RIN3: variants seen among roughly 807,000 people sequenced by gnomAD.
The protein encoded by RIN3 is RAB5 interacting protein 3.
Under a neutral mutation model 76.3 loss-of-function variants are expected in RIN3, and 54 were observed. The observed-to-expected ratio is 0.71, with a 90% CI of 0.57 to 0.89. RIN3 has a LOEUF of 0.89. RIN3 is among the 40% of genes least tolerant of loss of function. The pLI is 0.00. For missense variants in RIN3, 1,256 were observed against 1,322.1 expected (o/e 0.95, Z 0.78); for synonymous variants, 576 against 564.0 (o/e 1.02, Z -0.30).
At chr14:92,672,583 C>G (rs1023628005) in intron 7 of RIN3, among the ~76,000 whole-genome samples, 1 of 152,134 alleles carries the variant, frequency 6.6e-6, no homozygotes, top group African/African-American at 2.4e-5. Flanking sequence ...AGGGGAGACA[C>G]TTGCCTTAGG....
chr14:92,680,675 G>C (rs1888632247), intron 8 of RIN3, among the ~76,000 whole-genome samples: 1 of 152,246 alleles, frequency 6.6e-6, no homozygotes, highest in South Asian at 2.1e-4. Context: ...GGCAGGATGA[G>C]AGATGGAGCT....
intron 4 of RIN3, 121 bp from the exon 5 acceptor site, chr14:92,641,117 A>G (rs1277418128): frequency 1.8e-5 from 13 of 726,196 alleles, no homozygotes; most frequent in Non-Finnish European, 2.9e-5. Context: ...GCTCCAGGGA[A>G]GCTTCCAGGC....
chr14:92,583,768 A>G (rs1381424562), intron 3 of RIN3, among the ~76,000 whole-genome samples: 2 of 152,232 alleles, frequency 1.3e-5, no homozygotes, highest in Admixed American at 1.3e-4. Context: ...GCTGCATAGT[A>G]TTCCATGGTG....
At chr14:92,667,205 A>C (rs1044552227) in intron 7 of RIN3, among the ~76,000 whole-genome samples, 1 of 152,012 alleles carries the variant, frequency 6.6e-6, no homozygotes, top group Non-Finnish European at 1.5e-5. Flanking sequence ...GATTTTTTTA[A>C]ATCTGTGTTT....
intron 1 of RIN3, among the ~76,000 whole-genome samples, chr14:92,554,179 T>G (rs573824871): frequency 6.6e-6 from 1 of 152,262 alleles, no homozygotes; most frequent in East Asian, 1.9e-4. Flanking sequence ...TTAGGTAGAA[T>G]GCACACAGAC....
Position 92,652,659 on chromosome 14 carries a change from G to A in RIN3, c.1610G>A (p.Ser537Asn). The A allele has an allele frequency of 1.2e-6, 2 of 1,612,396 alleles. No individual in the cohort carries two copies. Among genetic ancestry groups the A allele is most frequent in the Non-Finnish European group, 1.7e-6 (2 of 1,179,988 alleles). ...FKGSLASLSDSLGVSVMATDQ... is the reference protein window; with the variant it reads ...FKGSLASLSDNLGVSVMATDQ... Reference sequence around the variant, plus strand: ...GGCTCCCTGGCCTCCCTCTCAGACAGCTTGGGGGTGTCTGTCATGGCCACC... The same window carrying A: ...GGCTCCCTGGCCTCCCTCTCAGACAACTTGGGGGTGTCTGTCATGGCCACC... The change falls in exon 6 of 10, where the codon AGC becomes AAC. Residue 537 changes from serine to asparagine, a missense_variant. This residue lies in a region of RIN3 where 428 missense variants were observed against 521.2 expected (regional missense o/e 0.82). Transcript: ENST00000216487. The surrounding 1 kb of genome is among the most constrained non-coding windows in gnomAD (Gnocchi z 6.4).
intron 3 of RIN3, among the ~76,000 whole-genome samples, chr14:92,601,000 T>A (rs1595446542): frequency 6.6e-6 from 1 of 152,214 alleles, no homozygotes; most frequent in African/African-American, 2.4e-5. Flanking sequence ...AGGGGCCACA[T>A]GTGGCTAGTG....
intron 3 of RIN3, among the ~76,000 whole-genome samples, chr14:92,586,975 C>T (rs1468008682): frequency 6.6e-6 from 1 of 151,970 alleles, no homozygotes; most frequent in Non-Finnish European, 1.5e-5. Context: ...GGCTCAGAGG[C>T]AGGAAAAAGA....
chr14:92,614,269 C>G (rs1885865452), intron 3 of RIN3, among the ~76,000 whole-genome samples: 2 of 152,202 alleles, frequency 1.3e-5, no homozygotes, highest in African/African-American at 4.8e-5. Context: ...ATCTGGGTGA[C>G]AGGCCAGTGG....
intron 4 of RIN3, among the ~76,000 whole-genome samples, chr14:92,630,353 G>A (rs1467702385): frequency 6.6e-6 from 1 of 152,174 alleles, no homozygotes; most frequent in Middle Eastern, 3.2e-3. Context: ...TTAGCCGGGT[G>A]TCGTGGCACA....
chr14:92,526,417 C>A (rs990955605), intron 1 of RIN3, among the ~76,000 whole-genome samples: 1 of 151,502 alleles, frequency 6.6e-6, no homozygotes, highest in African/African-American at 2.4e-5. Context: ...TGAGATCACA[C>A]CACTGCACTC....
intron 4 of RIN3, among the ~76,000 whole-genome samples, chr14:92,626,083 G>A (rs551711222): frequency 6.6e-6 from 1 of 152,174 alleles, no homozygotes; most frequent in Admixed American, 6.5e-5. Flanking sequence ...TCTTTTTCCT[G>A]TTGTATGTCA....
chr14:92,579,845 A>C (rs1390750090), intron 3 of RIN3, among the ~76,000 whole-genome samples: 1 of 152,250 alleles, frequency 6.6e-6, no homozygotes, highest in East Asian at 1.9e-4. Flanking sequence ...CTGCATTTGC[A>C]TTACTGCAAA....
In RIN3 at chr14:92,648,373, T is replaced by C. The variant is rs1033140273; in HGVS notation, c.533-3209T>C. Among the ~76,000 whole-genome samples, 2 of 152,226 alleles carry C rather than the reference T, an allele frequency of 1.3e-5. No individual in the cohort carries two copies. Among genetic ancestry groups the C allele is most frequent in the African/African-American group, 4.8e-5 (2 of 41,472 alleles). On this transcript the variant is annotated intron_variant, in intron 5 of 9. Transcript: ENST00000216487. The surrounding 1 kb of genome is among the most constrained non-coding windows in gnomAD (Gnocchi z 4.1). Reference sequence around the variant, plus strand: ...ATCCACACCTGAGCAATGGGAAATGTTGTCTTCTGTTCTGTGCCTAATGGA... The same window carrying C: ...ATCCACACCTGAGCAATGGGAAATGCTGTCTTCTGTTCTGTGCCTAATGGA...
At chr14:92,521,705 A>C (rs973361934) in intron 1 of RIN3, among the ~76,000 whole-genome samples, 4 of 152,180 alleles carry the variant, frequency 2.6e-5, no homozygotes, top group Non-Finnish European at 5.9e-5. Flanking sequence ...CATGAGCCAA[A>C]ATAAACCTCT....
chr14:92,578,383 G>A (rs140648392), intron 3 of RIN3, among the ~76,000 whole-genome samples: 5 of 151,714 alleles, frequency 3.3e-5, no homozygotes, highest in East Asian at 3.9e-4. Flanking sequence ...CAATGTCACC[G>A]GGTTTGGGGC....
intron 4 of RIN3, among the ~76,000 whole-genome samples, chr14:92,626,422 G>A (rs1409085441): frequency 6.6e-6 from 1 of 152,150 alleles, no homozygotes; most frequent in African/African-American, 2.4e-5. Flanking sequence ...AGTGGCTTAA[G>A]TTCTTTCTTT....
chr14:92,666,805 T>C (rs1888121890), intron 7 of RIN3, among the ~76,000 whole-genome samples: 1 of 151,966 alleles, frequency 6.6e-6, no homozygotes, highest in Non-Finnish European at 1.5e-5. Flanking sequence ...AACCTTCTAA[T>C]GTGAATGCCG....
intron 4 of RIN3, among the ~76,000 whole-genome samples, chr14:92,619,382 A>G (rs187892332): frequency 1.6e-4 from 24 of 150,956 alleles, no homozygotes; most frequent in Admixed American, 7.9e-4. Flanking sequence ...AAAAAAACAC[A>G]CACACATTCT....
Sources: allele counts gnomAD v4.1 joint callset (sites outside exome capture counted in the v4.1 genomes callset), GRCh38; gene constraint gnomAD v4.1.1; regional missense constraint gnomAD v4.1.1; non-coding constraint Gnocchi (gnomAD v3.1); transcripts MANE v1.5; gene names NCBI Gene and HGNC (gene_info 2026-07-23, HGNC 2026-07-21).